The following TANGO6 variants were observed in gnomAD, a reference collection of about 807,000 sequenced individuals.
The protein encoded by TANGO6 is transport and Golgi organization protein 6 homolog.
A neutral mutation model predicts 114.2 loss-of-function variants in TANGO6; 90 were observed. The ratio of observed to expected loss-of-function variants is 0.79; its 90% confidence interval spans 0.66 to 0.94. TANGO6 has a LOEUF of 0.94. Ranked by LOEUF, TANGO6 falls within the 40% of genes least tolerant of loss-of-function variation. TANGO6 has a pLI of 0.00. For missense variants in TANGO6, 1,274 were observed against 1,315.3 expected, an observed-to-expected ratio of 0.97 and a Z score of 0.49; for synonymous variants, 477 against 509.8, an observed-to-expected ratio of 0.94 and a Z score of 0.87.
chr16:68,948,062 C>G (rs1323725005), intron 14 of TANGO6: 1 of 151,430 alleles, frequency 6.6e-6, no homozygotes, highest in East Asian at 1.9e-4. Flanking sequence ...TTTCCCTCTC[C>G]CAAGCCAGAG....
chr16:68,946,895 C>T (rs1214580424), intron 14 of TANGO6, among the ~76,000 whole-genome samples: 1 of 152,100 alleles, frequency 6.6e-6, no homozygotes, highest in Non-Finnish European at 1.5e-5. Context: ...TGTTTACTTC[C>T]AATAGTTGTA....
intron 17 of TANGO6, among the ~76,000 whole-genome samples, chr16:69,081,490 C>T (rs1238809399): frequency 2.4e-4 from 36 of 151,584 alleles, no homozygotes; most frequent in Admixed American, 2.2e-3. Flanking sequence ...ATTACAGGTG[C>T]GTGCCACCAC....
intron 9 of TANGO6, among the ~76,000 whole-genome samples, chr16:68,905,274 G>A (rs1184410336): frequency 1.3e-5 from 2 of 151,630 alleles, no homozygotes; most frequent in Non-Finnish European, 2.9e-5. Context: ...AGTGGCTCAC[G>A]CCTGTAATCA....
chr16:68,977,859 T>C (rs1049528562), intron 15 of TANGO6, among the ~76,000 whole-genome samples: 3 of 151,820 alleles, frequency 2.0e-5, no homozygotes, highest in African/African-American at 7.3e-5. Context: ...CTAATTTTTG[T>C]ATTTTTAGTA....
At chr16:69,039,203 T>C (rs964177888) in intron 16 of TANGO6, among the ~76,000 whole-genome samples, 6 of 150,066 alleles carry the variant, frequency 4.0e-5, no homozygotes, top group African/African-American at 1.5e-4. Flanking sequence ...AAATTAGGCA[T>C]GGTTGTGTGC....
intron 1 of TANGO6, among the ~76,000 whole-genome samples, chr16:68,844,937 C>G (rs898250728): frequency 6.7e-6 from 1 of 149,818 alleles, no homozygotes; most frequent in African/African-American, 2.5e-5. Context: ...AGTTGCTAAT[C>G]GAGAGGTCAC....
At chr16:69,007,799 C>T (rs1175992138) in intron 15 of TANGO6, among the ~76,000 whole-genome samples, 3 of 152,130 alleles carry the variant, frequency 2.0e-5, no homozygotes, top group African/African-American at 7.2e-5. Context: ...CCAGTTTCTC[C>T]TCACCAGGGC....
At position 68,927,887 on chromosome 16, in the gene TANGO6, T is replaced by C; in HGVS notation, c.2447T>C (p.Ile816Thr). ...GGCCTGCAGTCAAATGCTCCAATCA[T>C]TCCTCAAGGAGTCAATGAGCCCAGC... ...QTGLQSNAPIIPQGVNEPSTT... is the reference protein window; with the variant it reads ...QTGLQSNAPITPQGVNEPSTT... The change falls in exon 13 of 18, where the codon ATT (isoleucine) becomes ACT (threonine). Residue 816 changes from isoleucine to threonine, a missense_variant. Ile to Thr is a moderately conservative substitution (Grantham distance 89, BLOSUM62 -1). This residue lies in a region of TANGO6 where 908 missense variants were observed against 910.2 expected (regional missense o/e 1.00). Coordinates refer to ENST00000261778, the MANE Select transcript of TANGO6 (RefSeq NM_024562.2). The C allele has an allele frequency of 6.2e-7, 1 of 1,613,932 alleles. No individual in the cohort carries two copies. The highest frequency in any genetic ancestry group is 8.5e-7 in the Non-Finnish European group (1 of 1,179,840).
intron 14 of TANGO6, among the ~76,000 whole-genome samples, chr16:68,932,149 G>A (rs917078844): frequency 6.6e-6 from 1 of 151,734 alleles, no homozygotes; most frequent in Non-Finnish European, 1.5e-5. Flanking sequence ...GGAGTGCAAT[G>A]GCACAATCTC....
At chr16:68,965,535 C>T (rs1963636943) in intron 14 of TANGO6, among the ~76,000 whole-genome samples, 1 of 152,210 alleles carries the variant, frequency 6.6e-6, no homozygotes, top group South Asian at 2.1e-4. Flanking sequence ...GGCGTGGTAG[C>T]TCACGCCTGT....
chr16:69,072,571 G>C (rs1279528733), intron 17 of TANGO6, among the ~76,000 whole-genome samples: 3 of 152,130 alleles, frequency 2.0e-5, no homozygotes, highest in Non-Finnish European at 4.4e-5. Context: ...AGGAAGCTTT[G>C]ATCCTTGGGG....
intron 15 of TANGO6, among the ~76,000 whole-genome samples, chr16:68,998,248 GT>G (rs1477413420): frequency 3.3e-5 from 5 of 152,142 alleles, no homozygotes; most frequent in Non-Finnish European, 7.4e-5. Context: ...CATCCCTATT[GT>G]TTCTTCTGAG....
At chr16:69,037,331 C>T (rs1394642998) in intron 16 of TANGO6, among the ~76,000 whole-genome samples, 1 of 152,124 alleles carries the variant, frequency 6.6e-6, no homozygotes, top group Non-Finnish European at 1.5e-5. Flanking sequence ...CAAAGGCAGA[C>T]ACCAACATGG....
chr16:69,070,186 C>A (rs1355090016), intron 17 of TANGO6, among the ~76,000 whole-genome samples: 1 of 150,344 alleles, frequency 6.7e-6, no homozygotes, highest in Non-Finnish European at 1.5e-5. Context: ...CCAGCCTCGG[C>A]GATAGAGCGA....
At chr16:68,875,812 G>C (rs1473946225) in intron 5 of TANGO6, among the ~76,000 whole-genome samples, 1 of 150,846 alleles carries the variant, frequency 6.6e-6, no homozygotes, top group African/African-American at 2.4e-5. Flanking sequence ...TAAATGATTT[G>C]CCCAGCTTGC....
intron 17 of TANGO6, among the ~76,000 whole-genome samples, chr16:69,075,441 C>T (rs1213736933): frequency 1.3e-5 from 2 of 151,364 alleles, no homozygotes; most frequent in African/African-American, 2.4e-5. Flanking sequence ...CTACACAACA[C>T]GAATTCAACT....
At chr16:69,043,719 C>A (rs934983450) in intron 17 of TANGO6, among the ~76,000 whole-genome samples, 11 of 152,162 alleles carry the variant, frequency 7.2e-5, no homozygotes, top group Admixed American at 6.6e-4. Context: ...TCTGGAATTT[C>A]TCTTTATGGC....
intron 14 of TANGO6, among the ~76,000 whole-genome samples, chr16:68,958,715 C>G (rs967009746): frequency 1.3e-5 from 2 of 152,034 alleles, no homozygotes; most frequent in African/African-American, 4.8e-5. Context: ...GGGAGGATTA[C>G]TTGAGACCAG....
At chr16:68,912,808 G>C (rs1168276765) in intron 11 of TANGO6, among the ~76,000 whole-genome samples, 6 of 151,472 alleles carry the variant, frequency 4.0e-5, no homozygotes, top group African/African-American at 1.2e-4. Context: ...AGGTGTGGTG[G>C]CTCACGCCTG....
Sources: allele counts gnomAD v4.1 joint callset (sites outside exome capture counted in the v4.1 genomes callset), GRCh38; gene constraint gnomAD v4.1.1; regional missense constraint gnomAD v4.1.1; transcripts MANE v1.5; gene names NCBI Gene and HGNC (gene_info 2026-07-23, HGNC 2026-07-21).